The following IQCM variants were observed in gnomAD, a reference collection of about 807,000 sequenced individuals.
The protein encoded by IQCM is IQ motif containing M.
IQCM carries 45 observed loss-of-function variants against 57.6 expected under a neutral mutation model. The ratio of observed to expected loss-of-function variants is 0.78; its 90% confidence interval spans 0.62 to 1.00. The LOEUF (loss-of-function observed/expected upper bound fraction) is 1.00, where lower values mean the gene tolerates loss of function less well. IQCM is among the 50% of genes least tolerant of loss of function. The pLI is 0.00. For missense variants in IQCM, 468 were observed against 511.6 expected, an observed-to-expected ratio of 0.91 and a Z score of 0.82; for synonymous variants, 148 against 158.9, an observed-to-expected ratio of 0.93 and a Z score of 0.51.
chr4:149,514,277 G>A (rs1275551011), intron 12 of IQCM, among the ~76,000 whole-genome samples: 2 of 152,154 alleles, frequency 1.3e-5, no homozygotes, highest in African/African-American at 4.8e-5. Flanking sequence ...TTTGAGATCT[G>A]CTGAATTAGA....
intron 2 of IQCM, among the ~76,000 whole-genome samples, chr4:149,786,962 A>C (rs1772131138): frequency 6.6e-6 from 1 of 152,238 alleles, no homozygotes. Flanking sequence ...GATAAAGAAA[A>C]TGTAGTACAT....
intron 13 of IQCM, among the ~76,000 whole-genome samples, chr4:149,366,844 A>G (rs1442887508): frequency 6.6e-6 from 1 of 152,034 alleles, no homozygotes; most frequent in Non-Finnish European, 1.5e-5. Flanking sequence ...ATGTATAAAA[A>G]TTTTCACAAT....
At chr4:149,615,607 T>C (rs1241999009) in intron 8 of IQCM, among the ~76,000 whole-genome samples, 2 of 152,144 alleles carry the variant, frequency 1.3e-5, no homozygotes. Flanking sequence ...ACTAAAAACA[T>C]ATGAGGATAC....
At chr4:149,799,119 CA>C (rs1773378576) in intron 2 of IQCM, among the ~76,000 whole-genome samples, 1 of 150,358 alleles carries the variant, frequency 6.7e-6, no homozygotes, top group Non-Finnish European at 1.5e-5. Context: ...TTAACACATT[CA>C]AAAAATTAAA....
intron 8 of IQCM, among the ~76,000 whole-genome samples, chr4:149,611,962 TAA>T (rs1755333828): frequency 8.3e-6 from 1 of 120,658 alleles, no homozygotes; most frequent in Non-Finnish European, 1.8e-5. Context: ...TAATTAACAA[TAA>T]TTTTATTATT....
intron 2 of IQCM, among the ~76,000 whole-genome samples, chr4:149,788,195 A>G (rs1273861867): frequency 6.6e-6 from 1 of 152,116 alleles, no homozygotes; most frequent in Non-Finnish European, 1.5e-5. Flanking sequence ...TTAGCTGGGC[A>G]TGGTGGCACA....
chr4:149,758,338 A>G (rs1769184500), intron 2 of IQCM, among the ~76,000 whole-genome samples: 1 of 152,204 alleles, frequency 6.6e-6, no homozygotes, highest in Non-Finnish European at 1.5e-5. Context: ...CTCAAAATGG[A>G]TCACAAACCT....
intron 12 of IQCM, among the ~76,000 whole-genome samples, chr4:149,435,909 T>C (rs1451879500): frequency 6.6e-6 from 1 of 152,142 alleles, no homozygotes; most frequent in Non-Finnish European, 1.5e-5. Flanking sequence ...CTAAGCATTA[T>C]CACAAAATGT....
chr4:149,425,094 A>G (rs952897560), intron 13 of IQCM, among the ~76,000 whole-genome samples: 1 of 152,050 alleles, frequency 6.6e-6, no homozygotes, highest in Non-Finnish European at 1.5e-5. Context: ...AATGAGCTTG[A>G]TAATAGCTAT....
chr4:149,789,007 G>T (rs1772330145), intron 2 of IQCM, among the ~76,000 whole-genome samples: 1 of 152,166 alleles, frequency 6.6e-6, no homozygotes, highest in South Asian at 2.1e-4. Flanking sequence ...TGTGCAGGTG[G>T]TAGAGGAGAT....
chr4:149,775,783 G>C (rs745355273), intron 2 of IQCM, among the ~76,000 whole-genome samples: 13 of 152,112 alleles, frequency 8.5e-5, no homozygotes, highest in Non-Finnish European at 1.9e-4. Flanking sequence ...ACTATCTATA[G>C]CAGGTTTAAA....
intron 12 of IQCM, among the ~76,000 whole-genome samples, chr4:149,446,388 G>A (rs1300936957): frequency 6.6e-6 from 1 of 151,694 alleles, no homozygotes; most frequent in Non-Finnish European, 1.5e-5. Context: ...ATTCAAAAGA[G>A]CTTACTGGCT....
In IQCM at chr4:149,387,805, C is replaced by T. The variant is rs1731530053; in HGVS notation, c.1391-35739G>A. Among the ~76,000 whole-genome samples, 5 of 151,788 alleles carry T rather than the reference C, an allele frequency of 3.3e-5. No homozygotes were observed. In the South Asian group the frequency reaches 1.0e-3, roughly 31 times the overall value. ...AATTTTATAACATTTTCAACACCCA[C>T]CCTCCCAAAAAGCCCACCCATTAAC... On this transcript the variant is annotated intron_variant, in intron 13 of 13. Transcript: ENST00000636793.
At chr4:149,748,628 G>A (rs781719641) in intron 2 of IQCM, 2 of 152,114 alleles carry the variant, frequency 1.3e-5, no homozygotes, top group Non-Finnish European at 2.9e-5. Context: ...ATACTGTTAT[G>A]TATAAAATAT....
chr4:149,732,598 T>C (rs1325886691), intron 5 of IQCM, among the ~76,000 whole-genome samples: 1 of 152,030 alleles, frequency 6.6e-6, no homozygotes, highest in African/African-American at 2.4e-5. Context: ...CTTTGTTGAA[T>C]AGGAAAAATA....
rs549456569 is a variant in IQCM, at chr4:149,578,850, T to C, written c.749+9080A>G. On this transcript the variant is annotated intron_variant, in intron 9 of 13. Transcript: ENST00000636793. ...ACACAGAATGATGGTCAGGCAATCA[T>C]AGGCAAAGCCTGTTAGAGAAGTAGA... is the stretch of plus-strand genomic sequence containing the variant. 1.6e-4 allele frequency among the ~76,000 whole-genome samples: 25 copies of C among 152,020 alleles called. No homozygotes were observed. The South Asian group carries it at 5.2e-3, about 32-fold the overall frequency.
chr4:149,750,455 A>G (rs536723463), intron 2 of IQCM, among the ~76,000 whole-genome samples: 1 of 152,342 alleles, frequency 6.6e-6, no homozygotes, highest in South Asian at 2.1e-4. Flanking sequence ...TTAGAAATGT[A>G]TCAGTTAGGG....
At chr4:149,590,692 A>C (rs1422033052) in intron 8 of IQCM, among the ~76,000 whole-genome samples, 2 of 152,036 alleles carry the variant, frequency 1.3e-5, no homozygotes, top group Non-Finnish European at 2.9e-5. Context: ...ATGAGTGAGA[A>C]CATGCGGTGT....
chr4:149,508,351 C>T (rs1744047493), intron 12 of IQCM, among the ~76,000 whole-genome samples: 1 of 152,130 alleles, frequency 6.6e-6, no homozygotes, highest in Non-Finnish European at 1.5e-5. Context: ...ACACTCAATG[C>T]CAGCCCATGA....
Sources: gnomAD v4.1 joint callset for allele counts (sites outside exome capture counted in the v4.1 genomes callset) on GRCh38, gnomAD v4.1.1 for gene constraint, MANE v1.5 for transcripts, NCBI Gene and HGNC (gene_info 2026-07-23, HGNC 2026-07-21) for gene names.